The following CST8 variants were observed in gnomAD, a reference collection of about 807,000 sequenced individuals.
CST8 encodes cystatin 8.
CST8 carries 20 observed loss-of-function variants against 11.8 expected under a neutral mutation model. That is an observed-to-expected ratio of 1.70 (90% CI 1.20 to 2.47). The LOEUF (loss-of-function observed/expected upper bound fraction) is 2.47. Among genes scored for constraint, CST8 ranks in the 30% most tolerant of loss-of-function variants. The pLI, the probability that CST8 is intolerant of heterozygous loss-of-function variation, is 0.00. For synonymous variants in CST8, 77 were observed against 63.1 expected (o/e 1.22, Z -1.05); for missense variants, 196 against 167.2 (o/e 1.17, Z -0.95).
chr20:23,503,975 A>C, the CST8 span, among the ~76,000 whole-genome samples: 1 of 152,264 alleles, frequency 6.6e-6, no homozygotes, highest in South Asian at 2.1e-4. Flanking sequence ...AGACTGGAGT[A>C]GGTTCCAGAG....
At chr20:23,505,804 C>T in the CST8 span, among the ~76,000 whole-genome samples, 1 of 152,132 alleles carries the variant, frequency 6.6e-6, no homozygotes, top group Non-Finnish European at 1.5e-5. Context: ...CCTGGACGCA[C>T]TGACTCGAAA....
At chr20:23,492,235 A>T (rs1166485381) in intron 2 of CST8, among the ~76,000 whole-genome samples, 1 of 152,184 alleles carries the variant, frequency 6.6e-6, no homozygotes, top group Non-Finnish European at 1.5e-5. Context: ...GTGAACCTGG[A>T]CCCAACTAGC....
intron 3 of CST8, 152 bp from the exon 4 acceptor site, chr20:23,495,679 C>G: frequency 3.2e-6 from 2 of 634,866 alleles, no homozygotes; most frequent in Non-Finnish European, 2.8e-6. Flanking sequence ...CAGCCTCTAG[C>G]TCTGCAGATT....
the CST8 span, among the ~76,000 whole-genome samples, chr20:23,502,284 TTTAA>T: frequency 6.6e-6 from 1 of 152,338 alleles, no homozygotes; most frequent in South Asian, 2.1e-4. Context: ...ATATCATTGC[TTTAA>T]TTTTGTTTTA....
downstream of CST8, among the ~76,000 whole-genome samples, chr20:23,500,452 A>T (rs576882311): frequency 6.6e-6 from 1 of 152,112 alleles, no homozygotes; most frequent in Non-Finnish European, 1.5e-5. Flanking sequence ...ACTTAATCCC[A>T]TCTGCTCACA....
chr20:23,493,962 T>C (rs953472874), intron 3 of CST8, among the ~76,000 whole-genome samples: 1 of 152,210 alleles, frequency 6.6e-6, no homozygotes, highest in African/African-American at 2.4e-5. Flanking sequence ...CTGCTGCTGC[T>C]GCTGGCCTTA....
At position 23,493,080 on chromosome 20, in the gene CST8, T is replaced by A. The variant is rs748288843; in HGVS notation, c.345+9T>A. The A allele has an allele frequency of 1.3e-6, 2 of 1,494,068 alleles. No individual in the cohort carries two copies. Among genetic ancestry groups the A allele is most frequent in the South Asian group, 2.3e-5 (2 of 88,700 alleles). 92.6% of individuals were successfully genotyped at this position (1,494,068 alleles called of 1,614,324 possible). ...ACTCCAAGCTGAAAAGGGTAGGTGA[T>A]GAACCACTCATCTGTGACGGCCTAG... On this transcript the variant is annotated intron_variant, in intron 3 of 3. Transcript: ENST00000246012.
chr20:23,491,574 C>A lies in CST8; in HGVS notation c.-94C>A. On this transcript the variant is annotated 5_prime_UTR_variant, in exon 2 of 4. Coordinates refer to ENST00000246012, the MANE Select transcript of CST8 (RefSeq NM_005492.4). ...GTGTGTGGCTCGAAGATTCTTGAACCCACAGCAGCAGCTGCGGCCACCCCA... is the reference window on the plus strand; with the variant it reads ...GTGTGTGGCTCGAAGATTCTTGAACACACAGCAGCAGCTGCGGCCACCCCA... The A allele has an allele frequency of 9.5e-6, 9 of 943,068 alleles. No individual in the cohort carries two copies. Among genetic ancestry groups the A allele is most frequent in the Non-Finnish European group, 1.5e-5 (9 of 596,878 alleles). 58.4% of individuals were successfully genotyped at this position (943,068 alleles called of 1,614,324 possible).
At chr20:23,498,842 A>G (rs780905982), downstream of CST8, among the ~76,000 whole-genome samples, 8 of 152,182 alleles carry the variant, frequency 5.3e-5, no homozygotes, top group Non-Finnish European at 1.2e-4. Context: ...AGACTCCATA[A>G]GAAATTGCCC....
At chr20:23,494,644 T>G (rs762730996) in intron 3 of CST8, among the ~76,000 whole-genome samples, 16 of 152,220 alleles carry the variant, frequency 1.1e-4, no homozygotes, top group Non-Finnish European at 1.2e-4. Flanking sequence ...CCTACCCATC[T>G]ATCTACCCAT....
chr20:23,502,768 G>C, the CST8 span, among the ~76,000 whole-genome samples: 1 of 152,190 alleles, frequency 6.6e-6, no homozygotes, highest in African/African-American at 2.4e-5. Context: ...TTCTCTAGGG[G>C]ACTGCTCCCG....
the CST8 span, among the ~76,000 whole-genome samples, chr20:23,501,351 A>T: frequency 1.3e-5 from 2 of 152,206 alleles, no homozygotes; most frequent in East Asian, 1.9e-4. Flanking sequence ...ACCCTATTGC[A>T]GTCTCCATGT....
chr20:23,493,196 C>A, intron 3 of CST8, 125 bp downstream of exon 3: 3 of 676,576 alleles, frequency 4.4e-6, no homozygotes, highest in South Asian at 1.7e-5. Flanking sequence ...AGATAGCCAA[C>A]CCTGTGGCCT....
the CST8 span, among the ~76,000 whole-genome samples, chr20:23,501,048 A>G: frequency 1.3e-5 from 2 of 152,164 alleles, no homozygotes; most frequent in African/African-American, 4.8e-5. Flanking sequence ...TATTGATTTA[A>G]GGCCAGATTC....
Position 23,495,901 on chromosome 20 carries a change from G to A in CST8, c.416G>A (p.Cys139Tyr), listed in dbSNP as rs753158690. 3 of 1,611,246 alleles carry A rather than the reference G, an allele frequency of 1.9e-6. No individual in the cohort carries two copies. In the African/African-American group the frequency reaches 4.0e-5, roughly 22 times the overall value. ...GAATTCACTGTGATGGAGAAAAAGT[G>A]TGAAGATGCTTAATGGTGTTTTGAG... ...NGEFTVMEKKCEDA is the reference protein window; with the variant it reads ...NGEFTVMEKKYEDA Residue 139 changes from cysteine (C) to tyrosine (Y), a missense_variant, in exon 4 of 4, where the codon TGT becomes TAT. Transcript: ENST00000246012.
At chr20:23,494,961 C>A (rs1432706512) in intron 3 of CST8, among the ~76,000 whole-genome samples, 2 of 152,096 alleles carry the variant, frequency 1.3e-5, no homozygotes, top group African/African-American at 4.8e-5. Flanking sequence ...TCCTCTCTCT[C>A]CCCCGCCCTC....
chr20:23,506,926 C>T, the CST8 span, among the ~76,000 whole-genome samples: 930 of 152,290 alleles, frequency 6.1e-3, 14 homozygotes, highest in African/African-American at 0.019. Flanking sequence ...GGTGCCCTGG[C>T]TCTTGGAGCT....
At chr20:23,495,775 C>CTTTTTT (rs11482296) in intron 3 of CST8, 56 bp from the exon 4 acceptor site, 29 of 934,124 alleles carry the variant, frequency 3.1e-5, no homozygotes, top group East Asian at 1.3e-4. Flanking sequence ...TTTTTCTTTT[C>CTTTTTT]TTTTTTTTTT....
chr20:23,499,926 G>A (rs1171626496), downstream of CST8, among the ~76,000 whole-genome samples: 1 of 152,020 alleles, frequency 6.6e-6, no homozygotes, highest in Non-Finnish European at 1.5e-5. Context: ...TTCTGTAAGC[G>A]GTAGCAGCAG....
Sources: gnomAD v4.1 joint callset for allele counts (sites outside exome capture counted in the v4.1 genomes callset) on GRCh38, gnomAD v4.1.1 for gene constraint, MANE v1.5 for transcripts, NCBI Gene and HGNC (gene_info 2026-07-23, HGNC 2026-07-21) for gene names.